SCARB1: variants seen among roughly 807,000 people sequenced by gnomAD.
SCARB1 encodes CD36 and LIMPII analogous 1.
Under a neutral mutation model 57.2 loss-of-function variants are expected in SCARB1, and 30 were observed. The observed-to-expected ratio is 0.52, with a 90% CI of 0.39 to 0.71. The LOEUF (loss-of-function observed/expected upper bound fraction) is 0.71, where lower values mean the gene tolerates loss of function less well. SCARB1 is among the 30% of genes least tolerant of loss of function. The probability of loss-of-function intolerance (pLI) is 0.00; values close to 1 mark genes in which losing one functional copy is unlikely to be tolerated. For missense variants in SCARB1, 543 were observed against 671.2 expected, an observed-to-expected ratio of 0.81 and a Z score of 2.11; for synonymous variants, 249 against 268.3, an observed-to-expected ratio of 0.93 and a Z score of 0.70.
At chr12:124,854,802 TGAG>T (rs1227811717) in intron 1 of SCARB1, among the ~76,000 whole-genome samples, 1 of 151,898 alleles carries the variant, frequency 6.6e-6, no homozygotes, top group East Asian at 1.9e-4. Context: ...CCGAGGGTGA[TGAG>T]GAGCCAGCCG....
chr12:124,809,848 G>T (rs1950458139), intron 6 of SCARB1, among the ~76,000 whole-genome samples: 1 of 152,172 alleles, frequency 6.6e-6, no homozygotes, highest in African/African-American at 2.4e-5. Flanking sequence ...TGGTCATGGG[G>T]GCCACCAGCC....
chr12:124,814,871 C>T lies in SCARB1; in HGVS notation c.426+102G>A. 1 of 1,497,074 alleles carries T rather than the reference C, an allele frequency of 6.7e-7. No homozygotes were observed. The highest frequency in any genetic ancestry group is 1.2e-5 in the South Asian group (1 of 85,762). 92.7% of individuals were successfully genotyped at this position (1,497,074 alleles called of 1,614,324 possible). Reference sequence around the variant, plus strand: ...CCCACCAGGCGTGAGTCCCCACGCTCCGACCACCTCAGGGACTGCTCTCTG... The same window carrying T: ...CCCACCAGGCGTGAGTCCCCACGCTTCGACCACCTCAGGGACTGCTCTCTG... On this transcript the variant is annotated intron_variant, in intron 3 of 12. Coordinates refer to ENST00000261693, the MANE Select transcript of SCARB1 (RefSeq NM_005505.5). The surrounding 1 kb of genome is among the most constrained non-coding windows in gnomAD (Gnocchi z 4.7).
chr12:124,826,956 C>T (rs1007199633), intron 1 of SCARB1, among the ~76,000 whole-genome samples: 1 of 152,034 alleles, frequency 6.6e-6, no homozygotes, highest in Non-Finnish European at 1.5e-5. Context: ...CAGGAGAGGG[C>T]TGGGGGCTGG....
At chr12:124,855,648 T>C (rs1033736704) in intron 1 of SCARB1, among the ~76,000 whole-genome samples, 2 of 152,200 alleles carry the variant, frequency 1.3e-5, no homozygotes, top group Admixed American at 6.5e-5. Context: ...ACAATTAATG[T>C]GTCTGTGGTG....
chr12:124,806,280 G>A (rs971932222), intron 7 of SCARB1, among the ~76,000 whole-genome samples: 5 of 152,100 alleles, frequency 3.3e-5, no homozygotes, highest in Non-Finnish European at 7.4e-5. Flanking sequence ...GCTTGTTGAC[G>A]CACTGGAAGA....
chr12:124,807,481 G>A lies in SCARB1; in HGVS notation c.1009+280C>T, dbSNP rs191495385. Among the ~76,000 whole-genome samples the A allele has an allele frequency of 9.8e-5, 15 of 152,318 alleles. No individual in the cohort carries two copies. In the East Asian group the frequency reaches 2.5e-3, roughly 25 times the overall value. ...GGAACACAGCCGCCTTGTTCTGAGC[G>A]CGGTGAGACCCACGCAGACTTCTGA... On this transcript the variant is annotated intron_variant, in intron 7 of 12. Transcript: ENST00000261693. The surrounding 1 kb of genome is among the most constrained non-coding windows in gnomAD (Gnocchi z 5.3).
chr12:124,853,390 G>GGTT (rs1952501512), intron 1 of SCARB1, among the ~76,000 whole-genome samples: 1 of 122,536 alleles, frequency 8.2e-6, no homozygotes, highest in Admixed American at 8.6e-5. Flanking sequence ...GCATAGTTTT[G>GGTT]TTTTTTTTTT....
At chr12:124,837,103 A>T (rs10846756) in intron 1 of SCARB1, among the ~76,000 whole-genome samples, 42,624 of 152,010 alleles carry the variant, frequency 0.28, 6,483 homozygotes, top group East Asian at 0.42. Context: ...TCAGGGCCTC[A>T]TCCTGCTCCC....
At position 124,814,277 on chromosome 12, in the gene SCARB1, G is replaced by A. The variant is rs1271165359; in HGVS notation, c.555C>T (p.Asp185=). ...ACTTGTTGATGAGATTCACAAGGGGGTCCTTGTAGCCCCACATGATCTCAC... is the reference window on the plus strand; with the variant it reads ...ACTTGTTGATGAGATTCACAAGGGGATCCTTGTAGCCCCACATGATCTCAC... ...TVGEIMWGYK[D]PLVNLINKYF... The change falls in exon 4 of 13, where the codon GAC becomes GAT. Residue 185 remains aspartate (D), a synonymous_variant. Coordinates refer to ENST00000261693, the MANE Select transcript of SCARB1 (RefSeq NM_005505.5). The surrounding 1 kb of genome is among the most constrained non-coding windows in gnomAD (Gnocchi z 4.7). 1 of 1,614,176 alleles carries A rather than the reference G, an allele frequency of 6.2e-7. No homozygotes were observed.
chr12:124,853,108 A>G (rs1952485887), intron 1 of SCARB1, among the ~76,000 whole-genome samples: 1 of 152,194 alleles, frequency 6.6e-6, no homozygotes. Flanking sequence ...AAAAGGTTAC[A>G]TTTAAGCTTC....
Position 124,807,400 on chromosome 12 carries a change from G to C in SCARB1, c.1009+361C>G, listed in dbSNP as rs956186619. ...AAGGGCCCGGGAGCCAAGAAACACA[G>C]AGGGGCCTCTGGAAGCCAGAAAAGG... On this transcript the variant is annotated intron_variant, in intron 7 of 12. Transcript: ENST00000261693. This position sits in a 1 kb window ranked among gnomAD's most constrained non-coding sequence, Gnocchi z 5.3. Among the ~76,000 whole-genome samples the C allele has an allele frequency of 2.0e-5, 3 of 152,138 alleles. No individual in the cohort carries two copies. Among genetic ancestry groups the C allele is most frequent in the Non-Finnish European group, 4.4e-5 (3 of 68,028 alleles).
chr12:124,833,101 T>C (rs965006274), intron 1 of SCARB1, among the ~76,000 whole-genome samples: 6 of 152,032 alleles, frequency 3.9e-5, no homozygotes, highest in African/African-American at 1.4e-4. Flanking sequence ...TCTCCTACTC[T>C]GACCCTCCTG....
At chr12:124,832,613 G>A (rs1023061198) in intron 1 of SCARB1, among the ~76,000 whole-genome samples, 2 of 151,942 alleles carry the variant, frequency 1.3e-5, no homozygotes, top group Non-Finnish European at 2.9e-5. Context: ...GTGCCTCACC[G>A]AATCATATTA....
rs753604088 is a variant in SCARB1 at position 124,814,378 on chromosome 12, G to A, written c.454C>T (p.Pro152Ser). ...LGAAVMMENK[P>S]MTLKLIMTLA... Reference sequence around the variant, plus strand: ...GTCATGATGAGCTTCAGGGTCATGGGCTTATTCTCCATCATCACCGCCGCA... The same window carrying A: ...GTCATGATGAGCTTCAGGGTCATGGACTTATTCTCCATCATCACCGCCGCA... The change falls in exon 4 of 13, where the codon CCC becomes TCC. Residue 152 changes from proline to serine, a missense_variant. Physicochemically the swap from Pro to Ser is moderately conservative, Grantham distance 74. Coordinates refer to ENST00000261693, the MANE Select transcript of SCARB1 (RefSeq NM_005505.5). This position sits in a 1 kb window ranked among gnomAD's most constrained non-coding sequence, Gnocchi z 4.7. 40 of 1,613,770 alleles carry A rather than the reference G, an allele frequency of 2.5e-5. 2 individuals carry two copies. The South Asian group carries it at 4.4e-4, about 18-fold the overall frequency.
Position 124,837,472 on chromosome 12 carries a change from A to AAGGAAGGAAGG in SCARB1, c.127-19766_127-19765insCCTTCCTTCCT, listed in dbSNP as rs1566231087. The stretch of plus-strand genomic sequence containing the variant: ...GAAAGAAAGAAGGAAAGAAAGAAAG[A>AAGGAAGGAAGG]AAGGAAGGAAGGAAGGAAGGAAGGA... On this transcript the variant is annotated intron_variant, in intron 1 of 12. Coordinates refer to ENST00000261693, the MANE Select transcript of SCARB1 (RefSeq NM_005505.5). Among the ~76,000 whole-genome samples the AAGGAAGGAAGG allele has an allele frequency of 9.1e-4, 66 of 72,596 alleles. 2 individuals carry two copies. The highest frequency in any genetic ancestry group is 3.2e-3 in the East Asian group (10 of 3,088). The allele number at this position is 72,596 out of a possible 152,430, so 47.6% of individuals were successfully genotyped here.
chr12:124,809,199 T>TG (rs1253219536), intron 6 of SCARB1, among the ~76,000 whole-genome samples: 6 of 147,490 alleles, frequency 4.1e-5, no homozygotes, highest in Non-Finnish European at 9.0e-5. Context: ...GAAGAGGGGG[T>TG]GGGGGGCTTA....
Position 124,778,935 on chromosome 12 carries a change from C to T in SCARB1, c.*1-349G>A, listed in dbSNP as rs537777385. Among the ~76,000 whole-genome samples, 38 of 152,230 alleles carry T rather than the reference C, an allele frequency of 2.5e-4. No homozygotes were observed. In the South Asian group the frequency reaches 7.3e-3, roughly 29 times the overall value. On this transcript the variant is annotated intron_variant, in intron 12 of 12. Coordinates refer to ENST00000261693, the MANE Select transcript of SCARB1 (RefSeq NM_005505.5). ...CAAGCTCTGTCCCTCAGGAGGAGAA[C>T]GTATGTTTATGTGTTGATTTATTTT...
At chr12:124,852,983 GA>G (rs1170744860) in intron 1 of SCARB1, among the ~76,000 whole-genome samples, 1 of 152,208 alleles carries the variant, frequency 6.6e-6, no homozygotes, top group Non-Finnish European at 1.5e-5. Flanking sequence ...AGGTTGCAGT[GA>G]GCCGAGATGG....
rs1950467265 is a variant in SCARB1, at chr12:124,810,103, A to T, written c.842+71T>A. ...ATGAGTCAAAATGCTTTCCAAGTGC[A>T]CAGCCAACACCACAGAATTTGGCCA... On this transcript the variant is annotated intron_variant, in intron 6 of 12. Transcript: ENST00000261693. The surrounding 1 kb of genome is among the most constrained non-coding windows in gnomAD (Gnocchi z 4.0). The T allele has an allele frequency of 1.1e-6, 1 of 950,374 alleles. No homozygotes were observed. The highest frequency in any genetic ancestry group is 1.7e-6 in the Non-Finnish European group (1 of 586,294). The allele number at this position is 950,374 out of a possible 1,614,324, so 58.9% of individuals were successfully genotyped here.
Sources: allele counts gnomAD v4.1 joint callset (sites outside exome capture counted in the v4.1 genomes callset), GRCh38; gene constraint gnomAD v4.1.1; non-coding constraint Gnocchi (gnomAD v3.1); transcripts MANE v1.5; gene names NCBI Gene and HGNC (gene_info 2026-07-23, HGNC 2026-07-21).